Variants in MTPAP observed in about 807,000 individuals in gnomAD.
The protein encoded by MTPAP is poly(A) RNA polymerase, mitochondrial.
A neutral mutation model predicts 48.7 loss-of-function variants in MTPAP; 23 were observed. That is an observed-to-expected ratio of 0.47 (90% CI 0.34 to 0.67). The LOEUF (loss-of-function observed/expected upper bound fraction) is 0.67, where lower values mean the gene tolerates loss of function less well. MTPAP is among the 30% of genes least tolerant of loss of function. MTPAP has a pLI of 0.01. For synonymous variants in MTPAP, 257 were observed against 254.1 expected, an observed-to-expected ratio of 1.01 and a Z score of -0.11; for missense variants, 614 against 694.3, an observed-to-expected ratio of 0.88 and a Z score of 1.30.
chr10:30,330,836 A>G (rs1834657698), intron 4 of MTPAP, among the ~76,000 whole-genome samples: 1 of 152,192 alleles, frequency 6.6e-6, no homozygotes, highest in Non-Finnish European at 1.5e-5. Context: ...TTGCCTTTCC[A>G]CTATTCAGTG....
At chr10:30,333,599 T>A (rs1195540230) in intron 4 of MTPAP, among the ~76,000 whole-genome samples, 4 of 152,218 alleles carry the variant, frequency 2.6e-5, no homozygotes, top group Non-Finnish European at 4.4e-5. Context: ...TTCAAGTACA[T>A]GTTAGTCTTA....
At chr10:30,327,909 T>C (rs944864468) in intron 4 of MTPAP, among the ~76,000 whole-genome samples, 40 of 149,830 alleles carry the variant, frequency 2.7e-4, no homozygotes, top group African/African-American at 9.3e-4. Flanking sequence ...AAAAGGTGCA[T>C]CAGTAAAGTA....
chr10:30,311,107 ATC>A lies in MTPAP; in HGVS notation c.*2500_*2501del, dbSNP rs1799762774. On this transcript the variant is annotated 3_prime_UTR_variant, in exon 9 of 9. Transcript: ENST00000263063. ...TAAAAAAGAAAATATCTGACTAAATATCTGTGAACAGAAAAAAAAATTTCATT... is the reference window on the plus strand; with the variant it reads ...TAAAAAAGAAAATATCTGACTAAATATGTGAACAGAAAAAAAAATTTCATT... The A allele has an allele frequency of 6.6e-6, 1 of 152,160 alleles. No homozygotes were observed. The highest frequency in any genetic ancestry group is 6.5e-5 in the Admixed American group (1 of 15,280). 9.4% of individuals were successfully genotyped at this position (152,160 alleles called of 1,614,324 possible). A position where few individuals can be genotyped will look rare whatever the true frequency, so the allele number is the denominator to read the frequency against.
intron 5 of MTPAP, among the ~76,000 whole-genome samples, chr10:30,322,820 T>TA (rs1002027246): frequency 6.6e-6 from 1 of 152,050 alleles, no homozygotes; most frequent in African/African-American, 2.4e-5. Flanking sequence ...TCATTCCCAT[T>TA]AAAACATCCT....
chr10:30,320,535 A>AAATC (rs1257923106), intron 6 of MTPAP, among the ~76,000 whole-genome samples: 2 of 152,110 alleles, frequency 1.3e-5, no homozygotes, highest in Non-Finnish European at 2.9e-5. Context: ...ATAAATAAAT[A>AAATC]ATAAATAAAA....
intron 1 of MTPAP, among the ~76,000 whole-genome samples, chr10:30,344,587 T>C (rs932311529): frequency 1.3e-5 from 2 of 152,238 alleles, no homozygotes; most frequent in Non-Finnish European, 2.9e-5. Context: ...AGGCTCTGCC[T>C]AGACCACCTT....
rs545948200 is a variant in MTPAP at position 30,310,262 on chromosome 10, C to T, written c.*3347G>A. 12 of 152,268 alleles carry T rather than the reference C, an allele frequency of 7.9e-5. No homozygotes were observed. Among genetic ancestry groups the T allele is most frequent in the African/African-American group, 2.2e-4 (9 of 41,552 alleles). The allele number at this position is 152,268 out of a possible 1,614,324, so 9.4% of individuals were successfully genotyped here. ...AATATATTTGTCTGTAGTCTATATTCAGTTGAACAGACTTTAAAACTGTGT... is the reference window on the plus strand; with the variant it reads ...AATATATTTGTCTGTAGTCTATATTTAGTTGAACAGACTTTAAAACTGTGT... On this transcript the variant is annotated 3_prime_UTR_variant, in exon 9 of 9. Coordinates refer to ENST00000263063, the MANE Select transcript of MTPAP (RefSeq NM_018109.4).
intron 5 of MTPAP, among the ~76,000 whole-genome samples, chr10:30,325,057 T>C (rs1834567653): frequency 6.6e-6 from 1 of 151,820 alleles, no homozygotes; most frequent in South Asian, 2.1e-4. Flanking sequence ...TTAAGTGTTT[T>C]ATGTATGAAA....
intron 6 of MTPAP, 85 bp downstream of exon 6, chr10:30,322,306 T>C (rs1840734733): frequency 8.6e-7 from 1 of 1,164,198 alleles, no homozygotes; most frequent in East Asian, 2.4e-5. Flanking sequence ...AATAAACAAA[T>C]AGACGGGACT....
Position 30,312,894 on chromosome 10 carries a change from A to G in MTPAP, c.*715T>C, listed in dbSNP as rs554825841. ...AAACAATATTTTTAAAATGCAATCT[A>G]TTGATGTCATCATATTTGGTTTGGA... On this transcript the variant is annotated 3_prime_UTR_variant, in exon 9 of 9. Transcript: ENST00000263063. 6.6e-6 allele frequency: 1 copy of G among 152,366 alleles called. No individual in the cohort carries two copies. Among genetic ancestry groups the G allele is most frequent in the South Asian group, 2.1e-4 (1 of 4,830 alleles). 9.4% of individuals were successfully genotyped at this position (152,366 alleles called of 1,614,324 possible).
chr10:30,338,489 C>T lies in MTPAP; in HGVS notation c.556-1462G>A, dbSNP rs545111234. ...AGGAGTTAGAGACCAGCCTGGCCAACGTGGTGAAACCCCAAATCTACTAAA... is the reference window on the plus strand; with the variant it reads ...AGGAGTTAGAGACCAGCCTGGCCAATGTGGTGAAACCCCAAATCTACTAAA... On this transcript the variant is annotated intron_variant, in intron 3 of 8. Coordinates refer to ENST00000263063, the MANE Select transcript of MTPAP (RefSeq NM_018109.4). Among the ~76,000 whole-genome samples, 16 of 152,000 alleles carry T rather than the reference C, an allele frequency of 1.1e-4. No individual in the cohort carries two copies. The South Asian group carries it at 2.7e-3, about 26-fold the overall frequency.
chr10:30,339,282 T>A (rs1461217549), intron 3 of MTPAP, among the ~76,000 whole-genome samples: 4 of 151,258 alleles, frequency 2.6e-5, no homozygotes, highest in African/African-American at 9.7e-5. Context: ...AGGTCAGGAG[T>A]TCGAGACCAG....
intron 6 of MTPAP, 44 bp from the exon 7 acceptor site, chr10:30,316,254 T>C: frequency 7.1e-7 from 1 of 1,407,914 alleles, no homozygotes; most frequent in South Asian, 1.2e-5. Flanking sequence ...TTTTTTTTTC[T>C]TTGCCTGAGA....
At chr10:30,345,326 G>C (rs1392046567) in intron 1 of MTPAP, among the ~76,000 whole-genome samples, 1 of 152,050 alleles carries the variant, frequency 6.6e-6, no homozygotes, top group Non-Finnish European at 1.5e-5. Context: ...AATCTCTATT[G>C]ATAAATATTT....
At chr10:30,332,937 C>T (rs978773007) in intron 4 of MTPAP, among the ~76,000 whole-genome samples, 62 of 151,918 alleles carry the variant, frequency 4.1e-4, no homozygotes, top group Non-Finnish European at 7.4e-4. Flanking sequence ...CTGGCTAACA[C>T]GGTGAAACTC....
At chr10:30,339,208 C>T (rs537415835) in intron 3 of MTPAP, among the ~76,000 whole-genome samples, 7 of 151,886 alleles carry the variant, frequency 4.6e-5, no homozygotes, top group South Asian at 2.1e-4. Flanking sequence ...AATCTTGGGC[C>T]GGGCGTAGTG....
chr10:30,315,232 A>G (rs1038782916), intron 8 of MTPAP, among the ~76,000 whole-genome samples: 1 of 152,152 alleles, frequency 6.6e-6, no homozygotes, highest in African/African-American at 2.4e-5. Flanking sequence ...CAAAGAGTCC[A>G]TGAGCAGGTA....
intron 4 of MTPAP, among the ~76,000 whole-genome samples, chr10:30,327,905 T>C (rs908077689): frequency 2.0e-5 from 3 of 149,120 alleles, no homozygotes; most frequent in South Asian, 2.1e-4. Flanking sequence ...ATGTAAAAGG[T>C]GCATCAGTAA....
At chr10:30,323,269 T>C (rs1182655592) in intron 5 of MTPAP, among the ~76,000 whole-genome samples, 3 of 147,512 alleles carry the variant, frequency 2.0e-5, no homozygotes, top group Non-Finnish European at 3.0e-5. Flanking sequence ...CTGGCCAACA[T>C]GGTGAAACCC....
Sources: allele counts gnomAD v4.1 joint callset (sites outside exome capture counted in the v4.1 genomes callset), GRCh38; gene constraint gnomAD v4.1.1; transcripts MANE v1.5; gene names NCBI Gene and HGNC (gene_info 2026-07-23, HGNC 2026-07-21).